Variants in SGCZ observed in about 807,000 individuals in gnomAD.
The protein encoded by SGCZ is sarcoglycan zeta, also known as zeta-sarcoglycan.
A neutral mutation model predicts 41.3 loss-of-function variants in SGCZ; 40 were observed. The observed-to-expected ratio is 0.97, with a 90% CI of 0.75 to 1.26. SGCZ has a LOEUF of 1.26. Ranked by LOEUF, SGCZ falls within the 50% of genes most tolerant of loss-of-function variation. The pLI is 0.00. For missense variants in SGCZ, 552 were observed against 369.8 expected, an observed-to-expected ratio of 1.49 and a Z score of -4.04; for synonymous variants, 206 against 137.5, an observed-to-expected ratio of 1.50 and a Z score of -3.49.
At chr8:14,653,343 A>C (rs1200115847) in intron 1 of SGCZ, among the ~76,000 whole-genome samples, 1 of 152,108 alleles carries the variant, frequency 6.6e-6, no homozygotes, top group Non-Finnish European at 1.5e-5. Flanking sequence ...ATATCTAGTT[A>C]CTAAATGAAT....
intron 2 of SGCZ, among the ~76,000 whole-genome samples, chr8:14,478,805 C>G (rs748096242): frequency 9.9e-5 from 15 of 152,124 alleles, no homozygotes; most frequent in Non-Finnish European, 1.9e-4. Flanking sequence ...ATTTTCTCTA[C>G]TTCCCATTTT....
intron 1 of SGCZ, among the ~76,000 whole-genome samples, chr8:14,674,831 G>A (rs548876379): frequency 6.7e-6 from 1 of 150,256 alleles, no homozygotes; most frequent in East Asian, 2.0e-4. Flanking sequence ...CTCCCACTTT[G>A]CCTTCCACCA....
chr8:14,794,675 G>C (rs767508305), intron 1 of SGCZ, among the ~76,000 whole-genome samples: 3 of 152,176 alleles, frequency 2.0e-5, no homozygotes, highest in Non-Finnish European at 4.4e-5. Flanking sequence ...GAAAGGTATA[G>C]GGTCCAGACT....
rs144244425 is a variant in SGCZ, at chr8:14,868,827, T to A, written c.40-313901A>T. ...TGCAAACACCTCTACGCAAATAAAT[T>A]TGAAAATCTAGAAGAAATGGATAAA... On this transcript the variant is annotated intron_variant, in intron 1 of 7. Transcript: ENST00000382080. Among the ~76,000 whole-genome samples the A allele has an allele frequency of 1.1e-3, 166 of 152,104 alleles. 1 individual carries two copies. Among genetic ancestry groups the A allele is most frequent in the Non-Finnish European group, 1.9e-3 (131 of 67,978 alleles).
chr8:14,371,868 A>G (rs982006617), intron 2 of SGCZ, among the ~76,000 whole-genome samples: 2 of 152,174 alleles, frequency 1.3e-5, no homozygotes, highest in Admixed American at 6.6e-5. Context: ...CTAAATTTAT[A>G]GAATAATCTT....
chr8:14,493,410 A>T (rs112420755), intron 2 of SGCZ, among the ~76,000 whole-genome samples: 19,467 of 80,942 alleles, frequency 0.24, 1,807 homozygotes, highest in Admixed American at 0.33. Context: ...TTGTGTTGCC[A>T]GGCTGGAGTA....
intron 2 of SGCZ, among the ~76,000 whole-genome samples, chr8:14,504,717 A>G (rs1052481870): frequency 2.0e-5 from 3 of 152,132 alleles, no homozygotes; most frequent in Non-Finnish European, 2.9e-5. Flanking sequence ...GTTCAATTAA[A>G]TACATATCTC....
At chr8:14,645,018 G>T (rs2117439619) in intron 1 of SGCZ, among the ~76,000 whole-genome samples, 1 of 151,210 alleles carries the variant, frequency 6.6e-6, no homozygotes, top group East Asian at 2.0e-4. Flanking sequence ...GGTGGTCTCA[G>T]GTCTCATCTG....
At chr8:14,962,723 T>C (rs1374748156) in intron 1 of SGCZ, among the ~76,000 whole-genome samples, 2 of 152,232 alleles carry the variant, frequency 1.3e-5, no homozygotes, top group African/African-American at 4.8e-5. Context: ...GATAATTGTC[T>C]AAACAGCATG....
At chr8:14,568,223 G>A (rs190929930) in intron 1 of SGCZ, among the ~76,000 whole-genome samples, 1 of 151,908 alleles carries the variant, frequency 6.6e-6, no homozygotes, top group African/African-American at 2.4e-5. Context: ...TCACACACTG[G>A]GGCCTGTCCG....
At chr8:15,067,444 C>T (rs59394803) in intron 1 of SGCZ, among the ~76,000 whole-genome samples, 20,088 of 152,052 alleles carry the variant, frequency 0.13, 1,584 homozygotes, top group African/African-American at 0.22. Flanking sequence ...ATAAACCTAC[C>T]ATAGATAAGT....
intron 1 of SGCZ, among the ~76,000 whole-genome samples, chr8:14,988,617 T>A (rs1166076386): frequency 2.0e-5 from 3 of 152,096 alleles, no homozygotes; most frequent in Non-Finnish European, 4.4e-5. Context: ...TCTTAACATT[T>A]TCAATGCAGT....
intron 1 of SGCZ, among the ~76,000 whole-genome samples, chr8:14,635,865 C>T (rs12544441): frequency 0.75 from 114,219 of 151,708 alleles, 43,334 homozygotes; most frequent in East Asian, 0.85. Flanking sequence ...TTCCTGCTTA[C>T]AGAATTTACA....
chr8:14,178,937 C>T (rs1032297677), intron 4 of SGCZ, among the ~76,000 whole-genome samples: 1 of 152,126 alleles, frequency 6.6e-6, no homozygotes, highest in Non-Finnish European at 1.5e-5. Context: ...CACTTCTGAG[C>T]CCATTAATGG....
chr8:15,025,551 A>AG (rs1803424289), intron 1 of SGCZ, among the ~76,000 whole-genome samples: 1 of 152,196 alleles, frequency 6.6e-6, no homozygotes, highest in Admixed American at 6.5e-5. Context: ...CAGTGGTCAA[A>AG]GGCTTCTTAG....
chr8:14,952,000 C>G (rs1046159365), intron 1 of SGCZ, among the ~76,000 whole-genome samples: 6 of 151,990 alleles, frequency 3.9e-5, no homozygotes, highest in African/African-American at 1.4e-4. Flanking sequence ...TTTCAACTAA[C>G]ATAATTCAAT....
chr8:14,924,280 G>A (rs186738552), intron 1 of SGCZ, among the ~76,000 whole-genome samples: 4 of 152,244 alleles, frequency 2.6e-5, no homozygotes, highest in Admixed American at 2.6e-4. Context: ...TTCCTGTATA[G>A]AAATGAAGTT....
At position 14,227,813 on chromosome 8, in the gene SGCZ, T is replaced by C. The variant is rs1585253262; in HGVS notation, c.424+9779A>G. ...CGGTTTATTTTTCTGGTATATGCAT[T>C]ATCTGACTTGGAATTTTCCCAAAAC... is the stretch of plus-strand genomic sequence containing the variant. On this transcript the variant is annotated intron_variant, in intron 4 of 7. Transcript: ENST00000382080. Among the ~76,000 whole-genome samples the C allele has an allele frequency of 4.6e-5, 7 of 152,194 alleles. 1 individual carries two copies. In the South Asian group the frequency reaches 1.5e-3, roughly 32 times the overall value.
chr8:14,601,513 G>C (rs562228991), intron 1 of SGCZ, among the ~76,000 whole-genome samples: 5 of 152,032 alleles, frequency 3.3e-5, no homozygotes, highest in Non-Finnish European at 7.4e-5. Flanking sequence ...TTGATCTTTT[G>C]GACAATTTAT....
Sources: allele counts gnomAD v4.1 joint callset (sites outside exome capture counted in the v4.1 genomes callset), GRCh38; gene constraint gnomAD v4.1.1; transcripts MANE v1.5; gene names NCBI Gene and HGNC (gene_info 2026-07-23, HGNC 2026-07-21).